The following ADCY2 variants were observed in gnomAD, a reference collection of about 807,000 sequenced individuals.
The protein encoded by ADCY2 is adenylate cyclase 2.
ADCY2 carries 31 observed loss-of-function variants against 125.2 expected under a neutral mutation model. The ratio of observed to expected loss-of-function variants is 0.25; its 90% CI spans 0.19 to 0.33. ADCY2 has a LOEUF of 0.33. Among genes scored for constraint, ADCY2 ranks in the 10% least tolerant of loss-of-function variants. The pLI is 1.00. For synonymous variants in ADCY2, 512 were observed against 548.4 expected (o/e 0.93, Z 0.93); for missense variants, 904 against 1,418.2 (o/e 0.64, Z 5.82).
intron 2 of ADCY2, among the ~76,000 whole-genome samples, chr5:7,449,957 G>A (rs1161773939): frequency 3.9e-5 from 6 of 152,204 alleles, no homozygotes; most frequent in Admixed American, 6.5e-5. Flanking sequence ...CACATTTGAC[G>A]GTGAACTTAA....
chr5:7,630,464 G>A (rs192841172), intron 4 of ADCY2, among the ~76,000 whole-genome samples: 1 of 152,258 alleles, frequency 6.6e-6, no homozygotes, highest in South Asian at 2.1e-4. Flanking sequence ...GGTACTTTAT[G>A]TAGTACTTTA....
chr5:7,646,580 T>C (rs1189867570), intron 4 of ADCY2, among the ~76,000 whole-genome samples: 1 of 152,170 alleles, frequency 6.6e-6, no homozygotes, highest in Non-Finnish European at 1.5e-5. Context: ...ATTATGCAGT[T>C]TAGTACTCTG....
intron 2 of ADCY2, among the ~76,000 whole-genome samples, chr5:7,461,212 C>T (rs923446422): frequency 1.3e-5 from 2 of 152,192 alleles, no homozygotes; most frequent in African/African-American, 2.4e-5. Flanking sequence ...GTCTGTCTCT[C>T]GTTGGCTGAA....
chr5:7,632,279 A>G (rs1738339680), intron 4 of ADCY2, among the ~76,000 whole-genome samples: 1 of 152,182 alleles, frequency 6.6e-6, no homozygotes, highest in African/African-American at 2.4e-5. Flanking sequence ...ACCATTAATT[A>G]AACTCTTCCA....
chr5:7,596,532 G>T (rs1205790297), intron 3 of ADCY2, among the ~76,000 whole-genome samples: 1 of 152,180 alleles, frequency 6.6e-6, no homozygotes, highest in African/African-American at 2.4e-5. Context: ...CTCATCTGAG[G>T]CAAGTGAGTG....
rs186387555 is a variant in ADCY2, at chr5:7,692,357, A to G, written c.869+1518A>G. 6 of 152,352 alleles carry G rather than the reference A, an allele frequency of 3.9e-5. No individual in the cohort carries two copies. The East Asian group carries it at 1.2e-3, about 29-fold the overall frequency. The allele number at this position is 152,352 out of a possible 1,614,324, so 9.4% of individuals were successfully genotyped here. On this transcript the variant is annotated intron_variant, in intron 5 of 24. Coordinates refer to ENST00000338316, the MANE Select transcript of ADCY2 (RefSeq NM_020546.3). ...GCATACACAGATGTCAGTGTGATAT[A>G]GGAAACTCATATCAGGAAGGAGGTA...
intron 2 of ADCY2, among the ~76,000 whole-genome samples, chr5:7,430,301 A>G (rs1455505910): frequency 2.0e-5 from 3 of 151,986 alleles, no homozygotes; most frequent in Non-Finnish European, 4.4e-5. Flanking sequence ...TCTCAATTCT[A>G]CAGAAATTCA....
intron 22 of ADCY2, among the ~76,000 whole-genome samples, chr5:7,815,558 G>C (rs1479392666): frequency 1.3e-5 from 2 of 152,138 alleles, no homozygotes; most frequent in African/African-American, 2.4e-5. Context: ...TACTAATAAT[G>C]TAACAAAAAA....
intron 2 of ADCY2, among the ~76,000 whole-genome samples, chr5:7,466,056 A>G (rs1742103053): frequency 6.6e-6 from 1 of 152,204 alleles, no homozygotes; most frequent in South Asian, 2.1e-4. Context: ...TCCTCCTTTT[A>G]GCACTAAGAA....
intron 17 of ADCY2, among the ~76,000 whole-genome samples, chr5:7,768,816 C>A (rs746818525): frequency 2.0e-5 from 3 of 152,160 alleles, no homozygotes; most frequent in Non-Finnish European, 2.9e-5. Flanking sequence ...AATCATGAGG[C>A]CTTGAAGATC....
intron 2 of ADCY2, among the ~76,000 whole-genome samples, chr5:7,496,120 T>C (rs1036198586): frequency 2.0e-5 from 3 of 152,184 alleles, no homozygotes; most frequent in Non-Finnish European, 4.4e-5. Context: ...TTTCATTAAA[T>C]ATTTGATTTT....
intron 2 of ADCY2, among the ~76,000 whole-genome samples, chr5:7,444,613 A>T (rs183335846): frequency 6.6e-6 from 1 of 152,058 alleles, no homozygotes; most frequent in Non-Finnish European, 1.5e-5. Context: ...ACAATGAATA[A>T]TTTTTTCCAT....
At chr5:7,642,505 T>C (rs944059809) in intron 4 of ADCY2, among the ~76,000 whole-genome samples, 7 of 152,180 alleles carry the variant, frequency 4.6e-5, no homozygotes, top group African/African-American at 1.7e-4. Flanking sequence ...TTTCTATTGC[T>C]GTACAGAAGC....
At chr5:7,579,746 C>T (rs534193947) in intron 3 of ADCY2, among the ~76,000 whole-genome samples, 1 of 152,054 alleles carries the variant, frequency 6.6e-6, no homozygotes, top group Non-Finnish European at 1.5e-5. Context: ...GAAAAAATGA[C>T]CATGTTAAAA....
intron 3 of ADCY2, among the ~76,000 whole-genome samples, chr5:7,594,716 CAAAT>C (rs1736952800): frequency 6.6e-6 from 1 of 152,030 alleles, no homozygotes; most frequent in Non-Finnish European, 1.5e-5. Context: ...AACAAATGAC[CAAAT>C]AAATAAAACG....
At chr5:7,434,039 TCTC>T (rs773039161) in intron 2 of ADCY2, among the ~76,000 whole-genome samples, 6 of 150,730 alleles carry the variant, frequency 4.0e-5, no homozygotes, top group African/African-American at 7.3e-5. Flanking sequence ...CAGAGGGAAA[TCTC>T]CTCATGACGT....
At chr5:7,491,516 C>G (rs77217744) in intron 2 of ADCY2, among the ~76,000 whole-genome samples, 3,749 of 152,218 alleles carry the variant, frequency 0.025, 173 homozygotes, top group African/African-American at 0.087. Flanking sequence ...CCTGGTGAAT[C>G]TCATAAGGGA....
chr5:7,406,683 G>C (rs1260006002), intron 1 of ADCY2, among the ~76,000 whole-genome samples: 3 of 152,052 alleles, frequency 2.0e-5, no homozygotes, highest in Non-Finnish European at 4.4e-5. Flanking sequence ...CCCTTCTTGG[G>C]GGCTGAGTGA....
At position 7,397,450 on chromosome 5, in the gene ADCY2, T is replaced by TG. The variant is rs1174750281; in HGVS notation, c.210+944_210+945insG. 4.2e-3 allele frequency among the ~76,000 whole-genome samples: 604 copies of TG among 142,154 alleles called. 5 individuals are homozygous for TG. The highest frequency in any genetic ancestry group is 6.6e-3 in the Non-Finnish European group (435 of 65,500). The allele number at this position is 142,154 out of a possible 152,430, so 93.3% of individuals were successfully genotyped here. On this transcript the variant is annotated intron_variant, in intron 1 of 24. Transcript: ENST00000338316. The stretch of plus-strand genomic sequence containing the variant: ...CATTGATTATCCACCAGTGAGTTTT[T>TG]TTTTTTTTTTTTTTTTTTTTTTTAG...
Sources: gnomAD v4.1 joint callset for allele counts (sites outside exome capture counted in the v4.1 genomes callset) on GRCh38, gnomAD v4.1.1 for gene constraint, MANE v1.5 for transcripts, NCBI Gene and HGNC (gene_info 2026-07-23, HGNC 2026-07-21) for gene names.